CCDC144A: variants seen among roughly 807,000 people sequenced by gnomAD.
CCDC144A encodes coiled-coil domain containing 144A, also known as coiled-coil domain-containing protein 144A.
CCDC144A carries 41 observed loss-of-function variants against 143.8 expected under a neutral mutation model. The observed-to-expected ratio is 0.29, with a 90% confidence interval of 0.22 to 0.37. The LOEUF is 0.37. CCDC144A is among the 10% of genes least tolerant of loss of function. The pLI, the probability that CCDC144A is intolerant of heterozygous loss-of-function variation, is 1.00. For synonymous variants in CCDC144A, 242 were observed against 517.9 expected, an observed-to-expected ratio of 0.47 and a Z score of 7.23; for missense variants, 637 against 1,488.8, an observed-to-expected ratio of 0.43 and a Z score of 9.41.
chr17:16,690,534 G>T lies in CCDC144A; in HGVS notation c.134G>T (p.Trp45Leu). The part of the protein sequence containing the change: ...QWYLGYPGDQ[W>L]SSGFPYSWWK... The stretch of plus-strand genomic sequence containing the variant: ...TACTTGGGCTACCCGGGGGACCAGT[G>T]GTCCTCGGGCTTCCCCTACAGCTGG... The change falls in exon 1 of 17, where the codon TGG (tryptophan) becomes TTG (leucine). Residue 45 changes from tryptophan (W) to leucine (L), a missense_variant. Coordinates refer to ENST00000399273, the MANE Select transcript of CCDC144A (RefSeq NM_001382000.1). 2 of 1,613,560 alleles carry T rather than the reference G, an allele frequency of 1.2e-6. No homozygotes were observed. The highest frequency in any genetic ancestry group is 1.7e-6 in the Non-Finnish European group (2 of 1,179,748).
At chr17:16,687,008 A>G (rs1910808934), upstream of CCDC144A, among the ~76,000 whole-genome samples, 1 of 152,090 alleles carries the variant, frequency 6.6e-6, no homozygotes, top group Admixed American at 6.5e-5. Context: ...TTTTAACAGA[A>G]CTCAGAGCAC....
Position 16,748,258 on chromosome 17 carries a change from G to A in CCDC144A, c.3372+12615G>A, listed in dbSNP as rs536163148. 9.9e-5 allele frequency among the ~76,000 whole-genome samples: 15 copies of A among 152,128 alleles called. No homozygotes were observed. The South Asian group carries it at 3.1e-3, about 32-fold the overall frequency. On this transcript the variant is annotated intron_variant, in intron 12 of 16. Coordinates refer to ENST00000399273, the MANE Select transcript of CCDC144A (RefSeq NM_001382000.1). Reference sequence around the variant, plus strand: ...ATAGAGTGGCCTTTATTATTTTGAGGTCTGTTTCTTTGATGCCTAATTTGT... The same window carrying A: ...ATAGAGTGGCCTTTATTATTTTGAGATCTGTTTCTTTGATGCCTAATTTGT...
intron 9 of CCDC144A, among the ~76,000 whole-genome samples, chr17:16,729,989 T>TATATATATATATATATATATATATATAC (rs1567597673): frequency 1.7e-5 from 2 of 121,162 alleles, no homozygotes; most frequent in African/African-American, 6.0e-5. Flanking sequence ...TATATATATA[T>TATATATATATATATATATATATATATAC]ATACACACAT....
At chr17:16,717,048 G>A (rs1174751185) in intron 6 of CCDC144A, among the ~76,000 whole-genome samples, 12 of 150,712 alleles carry the variant, frequency 8.0e-5, no homozygotes, top group East Asian at 7.8e-4. Context: ...TGATCCGCCC[G>A]CCTCGGCCTC....
rs1914598013 is a variant in CCDC144A, at chr17:16,747,632, C to T, written c.3372+11989C>T. ...CAGTGTTTTGTAGTTCTCCTTGTAA[C>T]CACCTTTCATCTCTGTAGTTAGATG... On this transcript the variant is annotated intron_variant, in intron 12 of 16. Coordinates refer to ENST00000399273, the MANE Select transcript of CCDC144A (RefSeq NM_001382000.1). Among the ~76,000 whole-genome samples, 3 of 152,160 alleles carry T rather than the reference C, an allele frequency of 2.0e-5. No homozygotes were observed. The South Asian group carries it at 6.2e-4, about 32-fold the overall frequency.
chr17:16,693,731 T>G (rs1911235980), intron 2 of CCDC144A, among the ~76,000 whole-genome samples: 1 of 151,994 alleles, frequency 6.6e-6, no homozygotes, highest in South Asian at 2.1e-4. Flanking sequence ...AAATGACTTA[T>G]GTTTAGTAAA....
chr17:16,703,648 C>CA (rs1202171782), intron 2 of CCDC144A, among the ~76,000 whole-genome samples: 3 of 151,830 alleles, frequency 2.0e-5, no homozygotes, highest in South Asian at 2.1e-4. Context: ...ACTAAAAATA[C>CA]AAAAAATTAG....
At position 16,774,954 on chromosome 17, in the gene CCDC144A, G is replaced by C. The variant is rs1247803161; in HGVS notation, c.*1321G>C. ...ATTCAGCTCCCACTTGTAAGTGAGA[G>C]CATGCAGTATTTCATTTTCTATTTC... is the stretch of plus-strand genomic sequence containing the variant. On this transcript the variant is annotated 3_prime_UTR_variant, in exon 17 of 17. Transcript: ENST00000399273. 1 of 150,506 alleles carries C rather than the reference G, an allele frequency of 6.6e-6. No homozygotes were observed. The highest frequency in any genetic ancestry group is 2.1e-4 in the South Asian group (1 of 4,668). The allele number at this position is 150,506 out of a possible 1,614,324, so 9.3% of individuals were successfully genotyped here. A position where few individuals can be genotyped will look rare whatever the true frequency, so the allele number is the denominator to read the frequency against.
chr17:16,700,450 G>C (rs1374219636), intron 2 of CCDC144A, among the ~76,000 whole-genome samples: 62 of 152,044 alleles, frequency 4.1e-4, no homozygotes, highest in African/African-American at 1.4e-3. Flanking sequence ...TGCACAAACA[G>C]TTTAGGCACA....
In CCDC144A at chr17:16,709,362, G is replaced by A. The variant is rs1275781248; in HGVS notation, c.1305G>A (p.Val435=). Reference sequence around the variant, plus strand: ...CTAAGAAAGCAAGGAACCCAGAAGTGGTTATGGTTGAAATGAAAGAAGACC... The same window carrying A: ...CTAAGAAAGCAAGGAACCCAGAAGTAGTTATGGTTGAAATGAAAGAAGACC... ...ASTKKARNPE[V]VMVEMKEDQE... is the part of the protein sequence containing the mutation. Residue 435 remains valine (V), a synonymous_variant, in exon 5 of 17, where the codon GTG becomes GTA. Coordinates refer to ENST00000399273, the MANE Select transcript of CCDC144A (RefSeq NM_001382000.1). 4 of 1,611,460 alleles carry A rather than the reference G, an allele frequency of 2.5e-6. No homozygotes were observed. Among genetic ancestry groups the A allele is most frequent in the East Asian group, 2.2e-5 (1 of 44,862 alleles).
At chr17:16,758,107 T>A (rs1312189005) in intron 12 of CCDC144A, among the ~76,000 whole-genome samples, 1 of 152,254 alleles carries the variant, frequency 6.6e-6, no homozygotes, top group African/African-American at 2.4e-5. Flanking sequence ...CGATGATGTC[T>A]CTGTCTATGC....
intron 10 of CCDC144A, 97 bp from the exon 11 acceptor site, chr17:16,732,441 A>G: frequency 1.5e-6 from 1 of 647,830 alleles, no homozygotes; most frequent in South Asian, 1.9e-5. Context: ...TTAACAGGCT[A>G]CTTCTTTTTA....
intron 11 of CCDC144A, 66 bp from the exon 12 acceptor site, chr17:16,734,624 A>C: frequency 7.1e-7 from 1 of 1,417,152 alleles, no homozygotes; most frequent in East Asian, 2.5e-5. Flanking sequence ...TACATTATTT[A>C]ATTTCAGAGA....
the CCDC144A span, among the ~76,000 whole-genome samples, chr17:16,682,228 TG>T: frequency 6.6e-6 from 1 of 151,622 alleles, no homozygotes; most frequent in Non-Finnish European, 1.5e-5. Context: ...TGTGTGTGTG[TG>T]TGTGTGTGTG....
chr17:16,724,704 C>T (rs1913291827), intron 8 of CCDC144A, among the ~76,000 whole-genome samples: 3 of 143,744 alleles, frequency 2.1e-5, no homozygotes, highest in Admixed American at 7.1e-5. Flanking sequence ...TTGTCTATTT[C>T]GTCTATTGAT....
At chr17:16,688,507 T>TTTTTTTTA (rs1910869435), upstream of CCDC144A, among the ~76,000 whole-genome samples, 1 of 103,084 alleles carries the variant, frequency 9.7e-6, no homozygotes, top group African/African-American at 3.6e-5. Context: ...TTTTTTTTTT[T>TTTTTTTTA]GAGATGGAGT....
At chr17:16,673,541 C>G in the CCDC144A span, among the ~76,000 whole-genome samples, 1 of 151,894 alleles carries the variant, frequency 6.6e-6, no homozygotes, top group Non-Finnish European at 1.5e-5. Flanking sequence ...CATGTGCCAC[C>G]ACGCCCGGCT....
intron 12 of CCDC144A, among the ~76,000 whole-genome samples, chr17:16,757,801 A>T (rs1465323626): frequency 2.0e-5 from 3 of 152,172 alleles, no homozygotes. Context: ...CACACTTAGG[A>T]TCCCTTTGAC....
intron 15 of CCDC144A, among the ~76,000 whole-genome samples, chr17:16,766,810 CT>C (rs1047762592): frequency 8.0e-5 from 12 of 150,128 alleles, no homozygotes; most frequent in Admixed American, 2.0e-4. Flanking sequence ...TTTTGAGGAT[CT>C]TTTTTTTTTA....
Sources: gnomAD v4.1 joint callset for allele counts (sites outside exome capture counted in the v4.1 genomes callset) on GRCh38, gnomAD v4.1.1 for gene constraint, MANE v1.5 for transcripts, NCBI Gene and HGNC (gene_info 2026-07-23, HGNC 2026-07-21) for gene names.